Variants in DNER observed in about 807,000 individuals in gnomAD.
DNER encodes delta/notch like EGF repeat containing.
In DNER, 33 loss-of-function variants were observed where a neutral mutation model predicts 78.2. The observed-to-expected ratio is 0.42, with a 90% confidence interval of 0.32 to 0.56. DNER has a LOEUF of 0.56. Ranked by LOEUF, DNER falls within the 20% of genes least tolerant of loss-of-function variation. The pLI is 0.11. For synonymous variants in DNER, 417 were observed against 384.8 expected, an observed-to-expected ratio of 1.08 and a Z score of -0.98; for missense variants, 918 against 975.3, an observed-to-expected ratio of 0.94 and a Z score of 0.78.
intron 1 of DNER, among the ~76,000 whole-genome samples, chr2:229,663,207 A>G (rs1033624647): frequency 3.3e-5 from 5 of 152,218 alleles, no homozygotes; most frequent in Admixed American, 6.5e-5. Flanking sequence ...TTGATCCACC[A>G]AAAACATGAA....
intron 1 of DNER, among the ~76,000 whole-genome samples, chr2:229,667,959 G>A (rs1245745566): frequency 6.6e-6 from 1 of 152,180 alleles, no homozygotes; most frequent in Non-Finnish European, 1.5e-5. Flanking sequence ...AGATTTCGGG[G>A]CAGTGACCAT....
intron 7 of DNER, among the ~76,000 whole-genome samples, chr2:229,474,052 T>C (rs1694982744): frequency 6.6e-6 from 1 of 152,140 alleles, no homozygotes; most frequent in African/African-American, 2.4e-5. Context: ...ATTACAGGTG[T>C]GTGCCACCAC....
At chr2:229,642,739 C>A (rs1429718318) in intron 1 of DNER, among the ~76,000 whole-genome samples, 2 of 152,192 alleles carry the variant, frequency 1.3e-5, no homozygotes, top group Admixed American at 1.3e-4. Flanking sequence ...GCAATAAAAT[C>A]CAGCTTCTCT....
intron 6 of DNER, among the ~76,000 whole-genome samples, chr2:229,483,031 G>C (rs935209485): frequency 2.0e-5 from 3 of 152,152 alleles, no homozygotes; most frequent in Non-Finnish European, 4.4e-5. Flanking sequence ...AATGTCTCTG[G>C]GACTCAGGGG....
chr2:229,375,473 G>A (rs1338194498), intron 11 of DNER, among the ~76,000 whole-genome samples: 1 of 152,090 alleles, frequency 6.6e-6, no homozygotes, highest in Non-Finnish European at 1.5e-5. Context: ...CCCACATCTA[G>A]CCACAATCCC....
chr2:229,456,182 G>A (rs554583485), intron 7 of DNER, among the ~76,000 whole-genome samples: 1 of 152,076 alleles, frequency 6.6e-6, no homozygotes, highest in Non-Finnish European at 1.5e-5. Flanking sequence ...ATGGCAGAAG[G>A]TGAAAGGGAA....
chr2:229,516,566 C>T (rs1360278258), intron 5 of DNER, among the ~76,000 whole-genome samples: 2 of 151,998 alleles, frequency 1.3e-5, no homozygotes, highest in African/African-American at 4.8e-5. Flanking sequence ...AATTTAAAAA[C>T]CCAATAAAGA....
chr2:229,365,197 G>A (rs1692316550), intron 12 of DNER, among the ~76,000 whole-genome samples: 1 of 152,084 alleles, frequency 6.6e-6, no homozygotes, highest in African/African-American at 2.4e-5. Context: ...AGTGAAGAAG[G>A]GCAGACGTGT....
chr2:229,386,388 TACC>T (rs1692866579), intron 11 of DNER, among the ~76,000 whole-genome samples: 1 of 152,062 alleles, frequency 6.6e-6, no homozygotes, highest in African/African-American at 2.4e-5. Context: ...ACCTAGGCAA[TACC>T]ATTCAGGACA....
At chr2:229,497,965 A>C (rs1695534049) in intron 6 of DNER, among the ~76,000 whole-genome samples, 1 of 144,094 alleles carries the variant, frequency 6.9e-6, no homozygotes, top group African/African-American at 2.6e-5. Context: ...CCAAAGCCAG[A>C]CAAGGACACT....
chr2:229,595,965 G>C (rs142505790), intron 1 of DNER, among the ~76,000 whole-genome samples: 1 of 148,298 alleles, frequency 6.7e-6, no homozygotes, highest in Non-Finnish European at 1.5e-5. Flanking sequence ...TGATGCTGAC[G>C]TTTGACCCTT....
At chr2:229,647,256 G>C (rs1698735743) in intron 1 of DNER, among the ~76,000 whole-genome samples, 2 of 152,160 alleles carry the variant, frequency 1.3e-5, no homozygotes, top group Admixed American at 6.5e-5. Flanking sequence ...TGGGAGGAGA[G>C]AGCCAAATGT....
chr2:229,516,800 A>AAAAAG (rs1294247230), intron 5 of DNER, among the ~76,000 whole-genome samples: 35,745 of 130,050 alleles, frequency 0.27, 5,460 homozygotes, highest in Non-Finnish European at 0.35. Flanking sequence ...AAAAAAAAAA[A>AAAAAG]AAAAGAAAAG....
At chr2:229,684,123 T>TG (rs869288642) in intron 1 of DNER, among the ~76,000 whole-genome samples, 3,095 of 95,504 alleles carry the variant, frequency 0.032, 41 homozygotes, top group East Asian at 0.095. Context: ...TGTGTGTGTG[T>TG]TTGTGTGTGT....
chr2:229,382,385 A>G lies in DNER; in HGVS notation c.1855+5880T>C, dbSNP rs114506508. Among the ~76,000 whole-genome samples the G allele has an allele frequency of 1.5e-3, 221 of 152,292 alleles. 1 individual carries two copies. The highest frequency in any genetic ancestry group is 5.2e-3 in the African/African-American group (217 of 41,580). On this transcript the variant is annotated intron_variant, in intron 11 of 12. Transcript: ENST00000341772. ...CTCCAAAGGATCACAACTTCTCACT[A>G]GCGAGGGAACAGAACTGGACAGAGA...
chr2:229,414,564 A>C (rs1272806627), intron 9 of DNER, among the ~76,000 whole-genome samples: 1 of 152,204 alleles, frequency 6.6e-6, no homozygotes, highest in Admixed American at 6.5e-5. Context: ...GCCAGGAGTG[A>C]AATGTTTAAC....
At chr2:229,649,680 A>T (rs746998039) in intron 1 of DNER, among the ~76,000 whole-genome samples, 87 of 152,176 alleles carry the variant, frequency 5.7e-4, no homozygotes, top group Non-Finnish European at 9.8e-4. Flanking sequence ...AACCTACAAC[A>T]TGATGAAAAT....
intron 6 of DNER, among the ~76,000 whole-genome samples, chr2:229,483,702 C>T (rs758082290): frequency 6.6e-6 from 1 of 152,186 alleles, no homozygotes; most frequent in Non-Finnish European, 1.5e-5. Context: ...ACCCCTGGAC[C>T]CTGTGGTCAC....
At chr2:229,659,919 T>C (rs1262712971) in intron 1 of DNER, among the ~76,000 whole-genome samples, 1 of 152,222 alleles carries the variant, frequency 6.6e-6, no homozygotes, top group Non-Finnish European at 1.5e-5. Flanking sequence ...ACTATTATTA[T>C]ATTATGTTAA....
Sources: gnomAD v4.1 joint callset for allele counts (sites outside exome capture counted in the v4.1 genomes callset) on GRCh38, gnomAD v4.1.1 for gene constraint, MANE v1.5 for transcripts, NCBI Gene and HGNC (gene_info 2026-07-23, HGNC 2026-07-21) for gene names.